Variants in SEC14L2 observed in about 807,000 individuals in gnomAD.
The protein encoded by SEC14L2 is SEC14 like lipid binding 2, also known as SEC14-like protein 2.
A neutral mutation model predicts 56.9 loss-of-function variants in SEC14L2; 50 were observed. That is an observed-to-expected ratio of 0.88 (90% CI 0.70 to 1.11). The LOEUF (loss-of-function observed/expected upper bound fraction) is 1.11, where lower values mean the gene tolerates loss of function less well. Ranked by LOEUF, SEC14L2 falls within the 50% of genes most tolerant of loss-of-function variation. The pLI is 0.00. For missense variants in SEC14L2, 414 were observed against 500.7 expected (o/e 0.83, Z 1.65); for synonymous variants, 179 against 188.5 (o/e 0.95, Z 0.41).
At chr22:30,399,602 A>G (rs1317504856) in intron 1 of SEC14L2, 41 bp from the exon 2 acceptor site, 1 of 1,519,904 alleles carries the variant, frequency 6.6e-7, no homozygotes, top group African/African-American at 1.4e-5. Context: ...GGCAGCAGTC[A>G]GGGCGGGCCC....
chr22:30,417,370 TA>T (rs1192972454), intron 11 of SEC14L2, among the ~76,000 whole-genome samples: 2 of 152,262 alleles, frequency 1.3e-5, no homozygotes, highest in African/African-American at 4.8e-5. Flanking sequence ...ATTACATTTA[TA>T]AGCAGAAAAA....
rs1481586118 is a variant in SEC14L2, at chr22:30,416,298, G to C, written c.976G>C (p.Glu326Gln). Residue 326 changes from glutamate (E) to glutamine (Q), a missense_variant, in exon 11 of 12, where the codon GAG becomes CAG. Glu to Gln is a conservative substitution (Grantham distance 29). Coordinates refer to ENST00000615189, the MANE Select transcript of SEC14L2 (RefSeq NM_012429.5). Reference sequence around the variant, plus strand: ...GATTTTCCTGAAGACCAAGATGGGAGAGAGGCAGCGGGCAGGGGAGATGAC... The same window carrying C: ...GATTTTCCTGAAGACCAAGATGGGACAGAGGCAGCGGGCAGGGGAGATGAC... ...FGIFLKTKMG[E>Q]RQRAGEMTEV... 2 of 1,614,146 alleles carry C rather than the reference G, an allele frequency of 1.2e-6. No homozygotes were observed. Among genetic ancestry groups the C allele is most frequent in the African/African-American group, 2.7e-5 (2 of 74,954 alleles).
chr22:30,424,655 C>CA lies in SEC14L2; in HGVS notation c.*2249dup, dbSNP rs1418529669. 3 of 454,934 alleles carry CA rather than the reference C, an allele frequency of 6.6e-6. No homozygotes were observed. Among genetic ancestry groups the CA allele is most frequent in the Non-Finnish European group, 1.3e-5 (3 of 226,482 alleles). The allele number at this position is 454,934 out of a possible 1,614,324, so 28.2% of individuals were successfully genotyped here. On this transcript the variant is annotated 3_prime_UTR_variant, in exon 12 of 12. Coordinates refer to ENST00000615189, the MANE Select transcript of SEC14L2 (RefSeq NM_012429.5). ...AGTGCTCGTCAATGTTGGCTACTCT[C>CA]ATTTTTTTTGCAGACGTGGGAACTG...
At chr22:30,409,635 C>T (rs576589015) in intron 7 of SEC14L2, 149 bp downstream of exon 7, 26 of 785,426 alleles carry the variant, frequency 3.3e-5, no homozygotes, top group African/African-American at 3.1e-4. Flanking sequence ...TGCTGGCTCA[C>T]GCCTGTAACC....
intron 1 of SEC14L2, 59 bp from the exon 2 acceptor site, chr22:30,399,584 A>T: frequency 7.9e-7 from 1 of 1,269,332 alleles, no homozygotes; most frequent in Non-Finnish European, 1.1e-6. Context: ...GGAGAGTCCT[A>T]GGCAGAGGGC....
At chr22:30,422,125 T>G in intron 11 of SEC14L2, 152 bp from the exon 12 acceptor site, 1 of 935,738 alleles carries the variant, frequency 1.1e-6, no homozygotes, top group Non-Finnish European at 1.6e-6. Context: ...TAGATTAAGT[T>G]TCAGAAGGTC....
At chr22:30,412,309 G>A (rs1934271196) in intron 8 of SEC14L2, among the ~76,000 whole-genome samples, 1 of 152,014 alleles carries the variant, frequency 6.6e-6, no homozygotes. Flanking sequence ...AGCTACTAGG[G>A]AAGCTATAGA....
rs1347447242 is a variant in SEC14L2, at chr22:30,423,099, G to T, written c.*692G>T. 1 of 152,800 alleles carries T rather than the reference G, an allele frequency of 6.5e-6. No homozygotes were observed. Among genetic ancestry groups the T allele is most frequent in the East Asian group, 1.9e-4 (1 of 5,200 alleles). 9.5% of individuals were successfully genotyped at this position (152,800 alleles called of 1,614,324 possible). ...CTGGGACTTCGGGTACCCACCCGCTGTTCTCCATGCAAACAAAGCGCCAGG... is the reference window on the plus strand; with the variant it reads ...CTGGGACTTCGGGTACCCACCCGCTTTTCTCCATGCAAACAAAGCGCCAGG... On this transcript the variant is annotated 3_prime_UTR_variant, in exon 12 of 12. Transcript: ENST00000615189.
At chr22:30,401,878 C>A (rs1008081973) in intron 2 of SEC14L2, among the ~76,000 whole-genome samples, 1 of 152,092 alleles carries the variant, frequency 6.6e-6, no homozygotes, top group African/African-American at 2.4e-5. Flanking sequence ...AGGTACACAC[C>A]ACTGTGACTG....
chr22:30,414,844 G>A (rs1934345345), intron 8 of SEC14L2, among the ~76,000 whole-genome samples: 1 of 152,104 alleles, frequency 6.6e-6, no homozygotes, highest in South Asian at 2.1e-4. Flanking sequence ...GGTGGCTGGG[G>A]TAAAGCCAAG....
chr22:30,399,542 CAAAG>C lies in SEC14L2; in HGVS notation c.55-95_55-92del, dbSNP rs1350949048. Reference sequence around the variant, plus strand: ...AAAAAAAAAAAAAAAAAAAAAGAAACAAAGAAAGAGGCGTCCAGCAAAGATCTCA... The same window carrying C: ...AAAAAAAAAAAAAAAAAAAAAGAAACAAAGAGGCGTCCAGCAAAGATCTCA... On this transcript the variant is annotated intron_variant, in intron 1 of 11. Coordinates refer to ENST00000615189, the MANE Select transcript of SEC14L2 (RefSeq NM_012429.5). 4.3e-5 allele frequency: 16 copies of C among 374,448 alleles called. 1 individual carries two copies. The Middle Eastern group carries it at 3.7e-3, about 86-fold the overall frequency. The allele number at this position is 374,448 out of a possible 1,614,324, so 23.2% of individuals were successfully genotyped here.
At chr22:30,415,299 G>A (rs1397483166) in intron 8 of SEC14L2, among the ~76,000 whole-genome samples, 1 of 152,148 alleles carries the variant, frequency 6.6e-6, no homozygotes, top group Non-Finnish European at 1.5e-5. Flanking sequence ...TGGGTGTGGT[G>A]TCGGGCGCCT....
chr22:30,409,547 C>A, intron 7 of SEC14L2, 61 bp downstream of exon 7: 1 of 1,473,792 alleles, frequency 6.8e-7, no homozygotes, highest in Non-Finnish European at 9.5e-7. Context: ...AACATGACTG[C>A]GGCAGATGGA....
chr22:30,398,011 T>C (rs1722392065), intron 1 of SEC14L2: 3 of 391,336 alleles, frequency 7.7e-6, no homozygotes, highest in Non-Finnish European at 1.5e-5. Context: ...CAAGAGCCGA[T>C]AGGGTCTGGC....
Position 30,424,921 on chromosome 22 carries a change from G to T in SEC14L2, c.*2514G>T, listed in dbSNP as rs768482980. 2 of 432,350 alleles carry T rather than the reference G, an allele frequency of 4.6e-6. No homozygotes were observed. The highest frequency in any genetic ancestry group is 9.4e-6 in the Non-Finnish European group (2 of 213,386). 26.8% of individuals were successfully genotyped at this position (432,350 alleles called of 1,614,324 possible). On this transcript the variant is annotated 3_prime_UTR_variant, in exon 12 of 12. Coordinates refer to ENST00000615189, the MANE Select transcript of SEC14L2 (RefSeq NM_012429.5). The stretch of plus-strand genomic sequence containing the variant: ...CGTTAATTAATTCATCCAACATCCT[G>T]TCCCCAAGAAGCTCAGTCTGGGGAC...
intron 8 of SEC14L2, among the ~76,000 whole-genome samples, chr22:30,415,165 C>T (rs950261527): frequency 6.6e-6 from 1 of 152,170 alleles, no homozygotes; most frequent in African/African-American, 2.4e-5. Context: ...GGCGCAGTGG[C>T]TCATGCCTGT....
chr22:30,421,312 G>A (rs926012616), intron 11 of SEC14L2: 2 of 152,192 alleles, frequency 1.3e-5, no homozygotes, highest in African/African-American at 4.8e-5. Flanking sequence ...GGTATCATCA[G>A]AGAATCTGGG....
intron 2 of SEC14L2, among the ~76,000 whole-genome samples, chr22:30,406,042 G>A (rs1934083924): frequency 6.6e-6 from 1 of 151,948 alleles, no homozygotes; most frequent in East Asian, 1.9e-4. Context: ...TGAGAGGACG[G>A]AAGACCTTTA....
intron 5 of SEC14L2, among the ~76,000 whole-genome samples, chr22:30,408,576 C>T (rs1057213590): frequency 6.6e-6 from 1 of 152,092 alleles, no homozygotes; most frequent in Admixed American, 6.6e-5. Flanking sequence ...CAGGGCTAGA[C>T]CCTGCGCCAA....
Sources: gnomAD v4.1 joint callset for allele counts (sites outside exome capture counted in the v4.1 genomes callset) on GRCh38, gnomAD v4.1.1 for gene constraint, MANE v1.5 for transcripts, NCBI Gene and HGNC (gene_info 2026-07-23, HGNC 2026-07-21) for gene names.